ACOT11: variants seen among roughly 807,000 people sequenced by gnomAD.
ACOT11 encodes acyl-CoA thioesterase 11, also known as acyl-coenzyme A thioesterase 11.
ACOT11 carries 69 observed loss-of-function variants against 77.5 expected under a neutral mutation model. The observed-to-expected ratio is 0.89, with a 90% CI of 0.73 to 1.09. The LOEUF (loss-of-function observed/expected upper bound fraction) is 1.09. Ranked by LOEUF, ACOT11 falls within the 50% of genes least tolerant of loss-of-function variation. The pLI is 0.00. For missense variants in ACOT11, 766 were observed against 813.7 expected, an observed-to-expected ratio of 0.94 and a Z score of 0.71; for synonymous variants, 279 against 313.0, an observed-to-expected ratio of 0.89 and a Z score of 1.15.
At chr1:54,611,769 G>C (rs770311180), downstream of ACOT11, 24 of 1,613,354 alleles carry the variant, frequency 1.5e-5, no homozygotes, top group East Asian at 4.9e-4. Flanking sequence ...AGCTGGCTCA[G>C]TGCCTGTCTG....
At chr1:54,622,897 A>G (rs1618859) in intron 15 of ACOT11, among the ~76,000 whole-genome samples, 83,018 of 151,638 alleles carry the variant, frequency 0.55, 23,273 homozygotes, top group East Asian at 0.77. Context: ...CTGGTTGGCC[A>G]GGCATGATGA....
At chr1:54,631,432 C>G (rs1011710466) in intron 16 of ACOT11, among the ~76,000 whole-genome samples, 1 of 152,192 alleles carries the variant, frequency 6.6e-6, no homozygotes, top group African/African-American at 2.4e-5. Flanking sequence ...TGTTTCCAGT[C>G]AGATGATTCC....
chr1:54,612,448 G>C (rs757557884), downstream of ACOT11: 3 of 1,473,796 alleles, frequency 2.0e-6, no homozygotes, highest in Non-Finnish European at 2.8e-6. Flanking sequence ...GGGCATCAGT[G>C]CCTCCAGGAG....
At position 54,592,500 on chromosome 1, in the gene ACOT11, C is replaced by T. The variant is rs114817003; in HGVS notation, c.312-46C>T. On this transcript the variant is annotated intron_variant, in intron 3 of 15. Coordinates refer to ENST00000343744, the MANE Select transcript of ACOT11 (RefSeq NM_147161.4). Reference sequence around the variant, plus strand: ...CAAGTATCTGAGGCCCCTGTTCCTCCCTCTGGCCCCTCTGGAAGGCTCACC... The same window carrying T: ...CAAGTATCTGAGGCCCCTGTTCCTCTCTCTGGCCCCTCTGGAAGGCTCACC... The T allele has an allele frequency of 5.2e-3, 8,299 of 1,580,850 alleles. 376 individuals are homozygous for T. In the African/African-American group the frequency reaches 0.098, roughly 19 times the overall value.
intron 15 of ACOT11, among the ~76,000 whole-genome samples, chr1:54,608,674 CAGGGCCTCTGGCTGGCGGGGAAGA>C (rs1644064990): frequency 6.6e-6 from 1 of 152,180 alleles, no homozygotes; most frequent in South Asian, 2.1e-4. Flanking sequence ...CCCTGCCCTC[CAGGGCCTCTGGCTGGCGGGGAAGA>C]TGCATGATGA....
intron 1 of ACOT11, among the ~76,000 whole-genome samples, chr1:54,573,818 T>C (rs539723041): frequency 6.6e-6 from 1 of 152,170 alleles, no homozygotes; most frequent in Non-Finnish European, 1.5e-5. Flanking sequence ...TTACCTGAGG[T>C]CAGGAGTTTG....
At chr1:54,585,024 C>A (rs1288856064) in intron 2 of ACOT11, among the ~76,000 whole-genome samples, 162 bp downstream of exon 2, 1 of 152,176 alleles carries the variant, frequency 6.6e-6, no homozygotes, top group Non-Finnish European at 1.5e-5. Flanking sequence ...CCTGATGTCT[C>A]AATGCTCAGC....
chr1:54,572,600 T>C (rs1653962990), intron 1 of ACOT11, among the ~76,000 whole-genome samples: 1 of 152,116 alleles, frequency 6.6e-6, no homozygotes, highest in Admixed American at 6.5e-5. Context: ...GGGCGGGTCA[T>C]TCATACTTGG....
chr1:54,634,116 C>A (rs1013601734), intron 16 of ACOT11, among the ~76,000 whole-genome samples: 1 of 152,302 alleles, frequency 6.6e-6, no homozygotes, highest in Middle Eastern at 3.4e-3. Context: ...GGAAAAATTA[C>A]TGTCCCTCTC....
chr1:54,555,264 T>G (rs555480022), intron 1 of ACOT11, among the ~76,000 whole-genome samples: 1 of 152,304 alleles, frequency 6.6e-6, no homozygotes, highest in South Asian at 2.1e-4. Context: ...TGGCTCTGGT[T>G]TTTTGATAGT....
chr1:54,611,739 G>A, downstream of ACOT11: 1 of 1,614,124 alleles, frequency 6.2e-7, no homozygotes, highest in Non-Finnish European at 8.5e-7. Flanking sequence ...ACAGCGTCAG[G>A]CTGTACCTGG....
At chr1:54,589,992 G>C (rs1294285649) in intron 3 of ACOT11, among the ~76,000 whole-genome samples, 1 of 151,878 alleles carries the variant, frequency 6.6e-6, no homozygotes, top group Non-Finnish European at 1.5e-5. Context: ...GGAGGCTAAG[G>C]CAGGAGAATG....
In ACOT11 at chr1:54,627,004, G is replaced by A. The variant is rs796453035; in HGVS notation, c.1630-3730G>A. ...TCCAAGTAGCTGGGATTACAGGTGC[G>A]CACCACCACGCTCAGCTAATTTTTG... On this transcript the variant is annotated intron_variant, in intron 15 of 16. Transcript: ENST00000371316. Among the ~76,000 whole-genome samples the A allele has an allele frequency of 2.0e-4, 27 of 133,840 alleles. 4 individuals are homozygous for A. Among genetic ancestry groups the A allele is most frequent in the African/African-American group, 4.6e-4 (18 of 39,352 alleles). 87.8% of individuals were successfully genotyped at this position (133,840 alleles called of 152,430 possible).
intron 1 of ACOT11, among the ~76,000 whole-genome samples, chr1:54,575,101 C>T (rs1654061631): frequency 1.4e-5 from 2 of 147,742 alleles, no homozygotes; most frequent in Admixed American, 6.6e-5. Context: ...TCCACCCATA[C>T]AAGCAAGCAG....
Position 54,584,802 on chromosome 1 carries a change from C to T in ACOT11, c.181C>T (p.Arg61Cys), listed in dbSNP as rs767770698. The T allele has an allele frequency of 1.4e-5, 23 of 1,614,010 alleles. No homozygotes were observed. Among genetic ancestry groups the T allele is most frequent in the East Asian group, 2.2e-5 (1 of 44,894 alleles). ...GGTGCTGCCCTGCCACACCAACCAA[C>T]GTGGTGAGCTGAGCGTCGGGCAGCT... ...QLVLPCHTNQ[R>C]GELSVGQLLK... The change falls in exon 2 of 16, where the codon CGT (arginine) becomes TGT (cysteine). Residue 61 changes from arginine to cysteine, a missense_variant. Arg to Cys is a radical substitution (Grantham distance 180, BLOSUM62 -3). Transcript: ENST00000343744. This position sits in a 1 kb window ranked among gnomAD's most constrained non-coding sequence, Gnocchi z 6.3.
chr1:54,601,241 G>T, intron 8 of ACOT11, 28 bp from the exon 9 acceptor site: 1 of 1,602,248 alleles, frequency 6.2e-7, no homozygotes, highest in Non-Finnish European at 8.5e-7. Context: ...GGTCTGTCCA[G>T]GTTGGAAGCC....
At chr1:54,569,130 T>A (rs1222161112) in intron 1 of ACOT11, among the ~76,000 whole-genome samples, 1 of 38,918 alleles carries the variant, frequency 2.6e-5, no homozygotes, top group African/African-American at 1.3e-4. Context: ...AAAAAATAAT[T>A]TTTTTTTTTT....
chr1:54,562,773 G>C (rs1333233031), intron 1 of ACOT11, among the ~76,000 whole-genome samples: 7 of 84,164 alleles, frequency 8.3e-5, no homozygotes, highest in African/African-American at 3.6e-4. Flanking sequence ...CAGATGGGGC[G>C]GCGGGGCAGA....
chr1:54,571,385 G>T (rs1460345300), intron 1 of ACOT11, among the ~76,000 whole-genome samples: 1 of 152,186 alleles, frequency 6.6e-6, no homozygotes, highest in Non-Finnish European at 1.5e-5. Flanking sequence ...AATTGGAACA[G>T]GTCTGATAGG....
Sources: allele counts gnomAD v4.1 joint callset (sites outside exome capture counted in the v4.1 genomes callset), GRCh38; gene constraint gnomAD v4.1.1; non-coding constraint Gnocchi (gnomAD v3.1); transcripts MANE v1.5; gene names NCBI Gene and HGNC (gene_info 2026-07-23, HGNC 2026-07-21).